Variants in PXK observed in about 807,000 individuals in gnomAD.
PXK encodes the protein PX domain-containing protein kinase-like protein.
Under a neutral mutation model 84.7 loss-of-function variants are expected in PXK, and 35 were observed. The observed-to-expected ratio is 0.41, with a 90% CI of 0.32 to 0.55. PXK has a LOEUF of 0.55. Among genes scored for constraint, PXK ranks in the 20% least tolerant of loss-of-function variants. PXK has a pLI of 0.21. For missense variants in PXK, 634 were observed against 699.7 expected, an observed-to-expected ratio of 0.91 and a Z score of 1.06; for synonymous variants, 253 against 260.8, an observed-to-expected ratio of 0.97 and a Z score of 0.29.
At chr3:58,393,356 GAAAGA>G (rs1171949896) in intron 7 of PXK, among the ~76,000 whole-genome samples, 4 of 151,846 alleles carry the variant, frequency 2.6e-5, no homozygotes, top group African/African-American at 9.7e-5. Flanking sequence ...CAAAAAAAAA[GAAAGA>G]AAAGAAAAGA....
rs2062668054 is a variant in PXK, at chr3:58,425,224, T to G, written c.*264T>G. The G allele has an allele frequency of 4.8e-6, 2 of 420,312 alleles. No individual in the cohort carries two copies. The highest frequency in any genetic ancestry group is 4.0e-5 in the African/African-American group (2 of 49,800). 26.0% of individuals were successfully genotyped at this position (420,312 alleles called of 1,614,324 possible). A position where few individuals can be genotyped will look rare whatever the true frequency, so the allele number is the denominator to read the frequency against. On this transcript the variant is annotated 3_prime_UTR_variant, in exon 18 of 18. Transcript: ENST00000356151. ...GTTTATCCTCTAATGGCCAGGCTTT[T>G]GGGACAGCAGCATATTGAAATATTT...
At chr3:58,347,192 C>G (rs373355690) in intron 1 of PXK, among the ~76,000 whole-genome samples, 193 of 152,186 alleles carry the variant, frequency 1.3e-3, no homozygotes, top group African/African-American at 4.5e-3. Flanking sequence ...CGGCTGGTCT[C>G]GAATTCCTGG....
At chr3:58,335,060 G>GT (rs2097570054) in intron 1 of PXK, among the ~76,000 whole-genome samples, 2 of 132,900 alleles carry the variant, frequency 1.5e-5, no homozygotes, top group African/African-American at 5.8e-5. Flanking sequence ...TGTGTGTGTG[G>GT]AGACAGCGTC....
At chr3:58,415,868 C>T (rs12495722) in intron 17 of PXK, among the ~76,000 whole-genome samples, 36,358 of 152,048 alleles carry the variant, frequency 0.24, 6,060 homozygotes, top group East Asian at 0.8. Flanking sequence ...ATCAGTACAC[C>T]GAGGTTGCAC....
chr3:58,410,213 G>C, intron 16 of PXK, 54 bp downstream of exon 16: 1 of 1,364,782 alleles, frequency 7.3e-7, no homozygotes, highest in Non-Finnish European at 1.0e-6. Context: ...AGGATCAGGA[G>C]TCTCTAGTTG....
intron 1 of PXK, among the ~76,000 whole-genome samples, chr3:58,338,696 T>C (rs1207880036): frequency 3.3e-5 from 5 of 152,098 alleles, no homozygotes; most frequent in South Asian, 2.1e-4. Context: ...TTTTCTTTTT[T>C]TTTTTTTTAG....
intron 3 of PXK, among the ~76,000 whole-genome samples, chr3:58,378,512 T>G (rs11918952): frequency 0.016 from 447 of 28,526 alleles, 15 homozygotes; most frequent in African/African-American, 0.046. Context: ...TTTTTTTTTT[T>G]TGTGTGTGTG....
At chr3:58,391,710 A>G (rs2098633370) in intron 6 of PXK, 63 bp from the exon 7 acceptor site, 1 of 1,408,282 alleles carries the variant, frequency 7.1e-7, no homozygotes, top group Middle Eastern at 1.8e-4. Context: ...TTAAAGGGAA[A>G]GACAAGGAAT....
At chr3:58,350,010 T>C (rs1266893885) in intron 1 of PXK, among the ~76,000 whole-genome samples, 1 of 152,190 alleles carries the variant, frequency 6.6e-6, no homozygotes, top group African/African-American at 2.4e-5. Flanking sequence ...GCAACCGTTA[T>C]TAGTACCTTG....
intron 1 of PXK, among the ~76,000 whole-genome samples, chr3:58,334,931 GTGT>G (rs1559822711): frequency 1.5e-3 from 168 of 111,746 alleles, no homozygotes; most frequent in African/African-American, 7.3e-3. Flanking sequence ...TTGTAAGGGT[GTGT>G]GTGTGTGTGT....
In PXK at chr3:58,401,806, A is replaced by G. The variant is rs2058614358; in HGVS notation, c.1182-2056A>G. ...GCCGAGCGTGGTGGCGGGCGTCTGTAGTCCCAGCTACCCAGGAGGCGGAGT... is the reference window on the plus strand; with the variant it reads ...GCCGAGCGTGGTGGCGGGCGTCTGTGGTCCCAGCTACCCAGGAGGCGGAGT... On this transcript the variant is annotated intron_variant, in intron 12 of 17. Coordinates refer to ENST00000356151, the MANE Select transcript of PXK (RefSeq NM_017771.5). This position sits in a 1 kb window ranked among gnomAD's most constrained non-coding sequence, Gnocchi z 4.4. Among the ~76,000 whole-genome samples the G allele has an allele frequency of 6.6e-6, 1 of 151,946 alleles. No individual in the cohort carries two copies. The highest frequency in any genetic ancestry group is 1.5e-5 in the Non-Finnish European group (1 of 67,974).
rs1025466731 is a variant in PXK at position 58,401,150 on chromosome 3, G to A, written c.1181+1773G>A. 2.6e-5 allele frequency among the ~76,000 whole-genome samples: 4 copies of A among 152,106 alleles called. No homozygotes were observed. The highest frequency in any genetic ancestry group is 9.7e-5 in the African/African-American group (4 of 41,424). The stretch of plus-strand genomic sequence containing the variant: ...CTTCACCTAAGTCTTTCTACGATGT[G>A]GGCTTCAGCTATGAGAAGAGCTCCT... On this transcript the variant is annotated intron_variant, in intron 12 of 17. Coordinates refer to ENST00000356151, the MANE Select transcript of PXK (RefSeq NM_017771.5). This position sits in a 1 kb window ranked among gnomAD's most constrained non-coding sequence, Gnocchi z 4.4.
chr3:58,341,921 C>T (rs2097740216), intron 1 of PXK, among the ~76,000 whole-genome samples: 1 of 152,074 alleles, frequency 6.6e-6, no homozygotes, highest in African/African-American at 2.4e-5. Flanking sequence ...CCAGGCTGGT[C>T]TCAAACTCCT....
chr3:58,333,682 A>G lies in PXK; in HGVS notation c.102+592A>G. ...TGGGGGCGGCAGTCGGGGCGCTGTT[A>G]AGCAGGTGTATGAATGTGCTTCTCT... On this transcript the variant is annotated intron_variant, in intron 1 of 17. Coordinates refer to ENST00000356151, the MANE Select transcript of PXK (RefSeq NM_017771.5). This position sits in a 1 kb window ranked among gnomAD's most constrained non-coding sequence, Gnocchi z 5.4. The G allele has an allele frequency of 2.2e-6, 1 of 456,176 alleles. No homozygotes were observed. The highest frequency in any genetic ancestry group is 4.4e-6 in the Non-Finnish European group (1 of 226,744). 28.3% of individuals were successfully genotyped at this position (456,176 alleles called of 1,614,324 possible). A position where few individuals can be genotyped will look rare whatever the true frequency, so the allele number is the denominator to read the frequency against.
chr3:58,346,463 A>G (rs778386086), intron 1 of PXK, among the ~76,000 whole-genome samples: 3 of 151,992 alleles, frequency 2.0e-5, no homozygotes, highest in Non-Finnish European at 2.9e-5. Flanking sequence ...GGCATCAGGA[A>G]ATTATTAGAG....
At chr3:58,365,808 G>T in intron 1 of PXK, 66 bp from the exon 2 acceptor site, 11 of 1,286,324 alleles carry the variant, frequency 8.6e-6, no homozygotes, top group South Asian at 3.0e-5. Context: ...ACTTATTTTT[G>T]ATTCCCTGCT....
chr3:58,359,339 G>A (rs2098140671), intron 1 of PXK, among the ~76,000 whole-genome samples: 1 of 151,900 alleles, frequency 6.6e-6, no homozygotes, highest in South Asian at 2.1e-4. Flanking sequence ...AGACCATCCT[G>A]ACCAACATGG....
At chr3:58,372,096 G>A (rs989779678) in intron 3 of PXK, among the ~76,000 whole-genome samples, 1 of 152,034 alleles carries the variant, frequency 6.6e-6, no homozygotes, top group Non-Finnish European at 1.5e-5. Context: ...TGAAAAAAAA[G>A]CAGAATGCAA....
In PXK at chr3:58,424,868, C is replaced by T. The variant is rs754123115; in HGVS notation, c.1645C>T (p.Arg549Ter). The change falls in exon 18 of 18, where the codon CGA (arginine) becomes TGA (stop). Residue 549 changes from arginine to a stop codon, truncating the protein, a stop_gained. Transcript: ENST00000356151. LOFTEE classifies it high-confidence loss of function. ...LSSQAVNGMS[R>*]GALLSSIQNF... is the part of the protein sequence containing the mutation. ...GTCTCAGGCTGTGAATGGCATGAGC[C>T]GAGGGGCCTTGCTCAGCTCCATCCA... 5.6e-6 allele frequency: 9 copies of T among 1,614,066 alleles called. No individual in the cohort carries two copies. The highest frequency in any genetic ancestry group is 1.6e-4 in the Middle Eastern group (1 of 6,084).
Sources: allele counts gnomAD v4.1 joint callset (sites outside exome capture counted in the v4.1 genomes callset), GRCh38; gene constraint gnomAD v4.1.1; non-coding constraint Gnocchi (gnomAD v3.1); transcripts MANE v1.5; gene names NCBI Gene and HGNC (gene_info 2026-07-23, HGNC 2026-07-21).